Variants in DNAI4 observed in about 807,000 individuals in gnomAD.
DNAI4 encodes the protein dynein axonemal intermediate chain 4.
A neutral mutation model predicts 105.8 loss-of-function variants in DNAI4; 85 were observed. That is an observed-to-expected ratio of 0.80 (90% CI 0.67 to 0.96). The LOEUF (loss-of-function observed/expected upper bound fraction) is 0.96, where lower values mean the gene tolerates loss of function less well. Among genes scored for constraint, DNAI4 ranks in the 40% least tolerant of loss-of-function variants. The pLI is 0.00. For missense variants in DNAI4, 1,014 were observed against 1,005.6 expected (o/e 1.01, Z -0.11); for synonymous variants, 352 against 331.5 (o/e 1.06, Z -0.67).
chr1:66,847,314 G>T (rs1646297756), intron 8 of DNAI4, among the ~76,000 whole-genome samples, 170 bp downstream of exon 8: 1 of 151,986 alleles, frequency 6.6e-6, no homozygotes, highest in Non-Finnish European at 1.5e-5. Flanking sequence ...TTTTTTAAGA[G>T]ACAAGGTCTT....
intron 7 of DNAI4, among the ~76,000 whole-genome samples, chr1:66,860,539 C>G (rs1646603723): frequency 6.6e-6 from 1 of 151,710 alleles, no homozygotes. Context: ...TCTAGTTTCC[C>G]CTACTCCCTT....
At chr1:66,888,251 A>G (rs1193204951) in intron 4 of DNAI4, among the ~76,000 whole-genome samples, 1 of 152,080 alleles carries the variant, frequency 6.6e-6, no homozygotes, top group African/African-American at 2.4e-5. Flanking sequence ...ATTGAGACAC[A>G]ACTATGGGAA....
At chr1:66,901,776 G>A (rs1389587782) in intron 2 of DNAI4, among the ~76,000 whole-genome samples, 5 of 152,076 alleles carry the variant, frequency 3.3e-5, no homozygotes, top group African/African-American at 9.7e-5. Flanking sequence ...GAGGAATCAC[G>A]ATACTGTTTT....
chr1:66,871,261 A>G, intron 6 of DNAI4, 109 bp downstream of exon 6: 1 of 1,069,694 alleles, frequency 9.3e-7, no homozygotes, highest in Non-Finnish European at 1.3e-6. Flanking sequence ...GTTTGGCCAA[A>G]TTATTTTTAT....
chr1:66,866,510 A>C (rs1646737496), intron 6 of DNAI4, among the ~76,000 whole-genome samples: 1 of 152,118 alleles, frequency 6.6e-6, no homozygotes, highest in East Asian at 1.9e-4. Context: ...AACAGCTGAA[A>C]TCCTAGGCTA....
At chr1:66,837,256 C>T (rs1455982216) in intron 10 of DNAI4, among the ~76,000 whole-genome samples, 4 of 148,716 alleles carry the variant, frequency 2.7e-5, no homozygotes, top group East Asian at 2.0e-4. Flanking sequence ...CCCAGCTACT[C>T]GGGAGGCTGA....
At chr1:66,863,763 G>A (rs1244838879) in intron 6 of DNAI4, among the ~76,000 whole-genome samples, 1 of 151,870 alleles carries the variant, frequency 6.6e-6, no homozygotes, top group Non-Finnish European at 1.5e-5. Context: ...TGGCCTCAAT[G>A]GTAAGAATGT....
intron 7 of DNAI4, among the ~76,000 whole-genome samples, chr1:66,852,957 T>G (rs573277934): frequency 6.6e-6 from 1 of 152,216 alleles, no homozygotes; most frequent in African/African-American, 2.4e-5. Context: ...TTTATTGTTA[T>G]AACTTCTTTC....
At chr1:66,857,019 T>C (rs934097183) in intron 7 of DNAI4, among the ~76,000 whole-genome samples, 3 of 151,790 alleles carry the variant, frequency 2.0e-5, no homozygotes, top group South Asian at 4.2e-4. Flanking sequence ...TTAGAGAAAA[T>C]TAATAAAATC....
intron 16 of DNAI4, among the ~76,000 whole-genome samples, chr1:66,815,006 A>C (rs1448453438): frequency 2.0e-5 from 3 of 152,226 alleles, no homozygotes; most frequent in African/African-American, 7.2e-5. Flanking sequence ...AGGAGCTGGA[A>C]GCAGAAGAGT....
At chr1:66,862,827 T>C (rs1569628111) in intron 6 of DNAI4, among the ~76,000 whole-genome samples, 1 of 152,298 alleles carries the variant, frequency 6.6e-6, no homozygotes, top group Non-Finnish European at 1.5e-5. Context: ...TGGTCTGTCA[T>C]TGTAGGGCTG....
At chr1:66,891,380 A>C in intron 3 of DNAI4, 114 bp from the exon 4 acceptor site, 1 of 648,728 alleles carries the variant, frequency 1.5e-6, no homozygotes, top group Non-Finnish European at 2.6e-6. Flanking sequence ...ATGATCATAT[A>C]AGCAAAATAG....
chr1:66,887,115 C>T (rs935461163), intron 4 of DNAI4, among the ~76,000 whole-genome samples: 3 of 152,072 alleles, frequency 2.0e-5, no homozygotes, highest in African/African-American at 7.3e-5. Context: ...AGAATGAAGG[C>T]CATGTAAGTG....
At chr1:66,883,434 C>T (rs1230530089) in intron 4 of DNAI4, among the ~76,000 whole-genome samples, 1 of 151,990 alleles carries the variant, frequency 6.6e-6, no homozygotes, top group Admixed American at 6.6e-5. Flanking sequence ...TGCACCACCA[C>T]ACCCAGCTAA....
At chr1:66,847,164 G>C (rs546838591) in intron 8 of DNAI4, among the ~76,000 whole-genome samples, 2 of 152,180 alleles carry the variant, frequency 1.3e-5, no homozygotes, top group East Asian at 3.8e-4. Context: ...TGCTACTCAC[G>C]CATTTAGTGC....
chr1:66,916,999 C>T (rs1039228257), intron 1 of DNAI4, among the ~76,000 whole-genome samples: 10 of 151,836 alleles, frequency 6.6e-5, no homozygotes, highest in African/African-American at 2.4e-4. Context: ...ATTTTACAAA[C>T]TTTCCAAAAT....
rs1202558498 is a variant in DNAI4 at position 66,820,410 on chromosome 1, T to C, written c.2496+1951A>G. On this transcript the variant is annotated intron_variant, in intron 16 of 16. Transcript: ENST00000371026. ...ATTCAACAAGCATTTATTGAATAAC[T>C]ACTATAAGCCAGACACTATACTAGC... is the stretch of plus-strand genomic sequence containing the variant. Among the ~76,000 whole-genome samples, 4 of 152,278 alleles carry C rather than the reference T, an allele frequency of 2.6e-5. No individual in the cohort carries two copies. The East Asian group carries it at 7.7e-4, about 29-fold the overall frequency.
chr1:66,891,945 C>G (rs562147246), intron 3 of DNAI4, among the ~76,000 whole-genome samples: 1 of 152,264 alleles, frequency 6.6e-6, no homozygotes, highest in East Asian at 1.9e-4. Flanking sequence ...TCTCTAACTT[C>G]AGAGCCTCAG....
chr1:66,910,043 G>A (rs1569873402), intron 1 of DNAI4, among the ~76,000 whole-genome samples: 1 of 151,880 alleles, frequency 6.6e-6, no homozygotes, highest in East Asian at 1.9e-4. Context: ...CAACCACAAT[G>A]ACCTCTTTAA....
Sources: gnomAD v4.1 joint callset for allele counts (sites outside exome capture counted in the v4.1 genomes callset) on GRCh38, gnomAD v4.1.1 for gene constraint, MANE v1.5 for transcripts, NCBI Gene and HGNC (gene_info 2026-07-23, HGNC 2026-07-21) for gene names.